The following KLHDC1 variants were observed in gnomAD, a reference collection of about 807,000 sequenced individuals.
KLHDC1 encodes kelch domain containing 1, also known as kelch domain-containing protein 1.
In KLHDC1, 53 loss-of-function variants were observed where a neutral mutation model predicts 68.3. The observed-to-expected ratio is 0.78, with a 90% CI of 0.62 to 0.98. The LOEUF is 0.98. Ranked by LOEUF, KLHDC1 falls within the 50% of genes least tolerant of loss-of-function variation. The probability of loss-of-function intolerance (pLI) is 0.00; values close to 1 mark genes in which losing one functional copy is unlikely to be tolerated. For synonymous variants in KLHDC1, 148 were observed against 159.0 expected, an observed-to-expected ratio of 0.93 and a Z score of 0.52; for missense variants, 470 against 492.3, an observed-to-expected ratio of 0.95 and a Z score of 0.43.
At chr14:49,702,925 A>G (rs1887948564) in intron 1 of KLHDC1, among the ~76,000 whole-genome samples, 1 of 152,220 alleles carries the variant, frequency 6.6e-6, no homozygotes, top group Non-Finnish European at 1.5e-5. Context: ...GGTGTGCACC[A>G]GTGACCACAG....
chr14:49,724,492 T>C (rs374309844), intron 5 of KLHDC1, among the ~76,000 whole-genome samples: 2 of 152,072 alleles, frequency 1.3e-5, no homozygotes, highest in Non-Finnish European at 1.5e-5. Context: ...TGCAGTCTTA[T>C]TAGTTTTACC....
At chr14:49,707,487 A>G (rs780312021) in intron 1 of KLHDC1, among the ~76,000 whole-genome samples, 7 of 150,604 alleles carry the variant, frequency 4.6e-5, no homozygotes, top group Non-Finnish European at 7.4e-5. Context: ...TGCTGGGATT[A>G]CAGTCATGCA....
chr14:49,740,428 C>T (rs1889034283), intron 11 of KLHDC1, among the ~76,000 whole-genome samples: 2 of 152,222 alleles, frequency 1.3e-5, no homozygotes, highest in Non-Finnish European at 2.9e-5. Flanking sequence ...AGCTCTGCCT[C>T]CCAGGTTCAC....
chr14:49,693,323 C>G, intron 1 of KLHDC1, 33 bp downstream of exon 1: 1 of 1,387,512 alleles, frequency 7.2e-7, no homozygotes, highest in Non-Finnish European at 9.5e-7. Context: ...GGTAGACTCG[C>G]GCCGGGAGAC....
chr14:49,743,717 T>C (rs1013554674), intron 11 of KLHDC1, 36 bp from the exon 12 acceptor site: 2 of 1,285,200 alleles, frequency 1.6e-6, no homozygotes, highest in Admixed American at 4.0e-5. Context: ...GTTATTTTTA[T>C]CAAAAACTTA....
chr14:49,705,365 C>CTTTCTTT (rs1888020924), intron 1 of KLHDC1, among the ~76,000 whole-genome samples: 1 of 71,666 alleles, frequency 1.4e-5, no homozygotes, highest in Non-Finnish European at 2.4e-5. Flanking sequence ...TTCTTTCTTT[C>CTTTCTTT]TTTTTTTTTT....
intron 12 of KLHDC1, among the ~76,000 whole-genome samples, chr14:49,746,730 A>G (rs1889207220): frequency 6.6e-6 from 1 of 152,136 alleles, no homozygotes; most frequent in Non-Finnish European, 1.5e-5. Context: ...GGCTCACCAC[A>G]GTCCCTTTTC....
chr14:49,731,935 C>G (rs1010241310), intron 8 of KLHDC1, among the ~76,000 whole-genome samples: 1 of 151,984 alleles, frequency 6.6e-6, no homozygotes, highest in Non-Finnish European at 1.5e-5. Context: ...GTTAGAATAG[C>G]TAGCATTTTC....
intron 9 of KLHDC1, among the ~76,000 whole-genome samples, chr14:49,733,359 T>C (rs142277218): frequency 2.1e-3 from 327 of 152,320 alleles, no homozygotes; most frequent in African/African-American, 7.4e-3. Context: ...GGCATCAAGA[T>C]AGACAGATGA....
chr14:49,742,408 G>A (rs1437718400), intron 11 of KLHDC1, among the ~76,000 whole-genome samples: 12 of 151,774 alleles, frequency 7.9e-5, no homozygotes, highest in African/African-American at 1.9e-4. Flanking sequence ...GGTGGCTCAC[G>A]CCTGTAATCC....
intron 1 of KLHDC1, 89 bp downstream of exon 1, chr14:49,693,379 C>CGCA: frequency 3.0e-6 from 3 of 1,014,846 alleles, no homozygotes; most frequent in Non-Finnish European, 4.0e-6. Flanking sequence ...GCTCCCGAGG[C>CGCA]TGCGGCCCAG....
chr14:49,728,180 G>A (rs556074824), intron 6 of KLHDC1, among the ~76,000 whole-genome samples: 5 of 152,162 alleles, frequency 3.3e-5, no homozygotes, highest in South Asian at 2.1e-4. Context: ...AAAATTAGCC[G>A]GGCCTGGTGT....
intron 1 of KLHDC1, among the ~76,000 whole-genome samples, chr14:49,703,359 TG>T (rs765651214): frequency 6.6e-6 from 1 of 151,612 alleles, no homozygotes; most frequent in African/African-American, 2.4e-5. Context: ...TTTTTTTTTT[TG>T]AGACAGAGTT....
At position 49,693,327 on chromosome 14, in the gene KLHDC1, G is replaced by C. The variant is rs1269594385; in HGVS notation, c.96+37G>C. ...AGGCGGGACGGGGTAGACTCGCGCC[G>C]GGAGACCCTCGGCCTGAGCGGACGC... On this transcript the variant is annotated intron_variant, in intron 1 of 12. Coordinates refer to ENST00000359332, the MANE Select transcript of KLHDC1 (RefSeq NM_172193.3). 3.6e-6 allele frequency: 5 copies of C among 1,379,076 alleles called. No individual in the cohort carries two copies. The African/African-American group carries it at 7.5e-5, about 21-fold the overall frequency. 85.4% of individuals were successfully genotyped at this position (1,379,076 alleles called of 1,614,324 possible). A position where few individuals can be genotyped will look rare whatever the true frequency, so the allele number is the denominator to read the frequency against.
intron 5 of KLHDC1, 38 bp downstream of exon 5, chr14:49,723,990 C>T: frequency 8.5e-7 from 1 of 1,174,170 alleles, no homozygotes; most frequent in African/African-American, 1.5e-5. Context: ...TCCTCCAAGT[C>T]AGTATAGCCT....
intron 12 of KLHDC1, among the ~76,000 whole-genome samples, chr14:49,744,299 T>C (rs1889139746): frequency 5.4e-4 from 1 of 1,852 alleles, no homozygotes; most frequent in African/African-American, 6.0e-4. Context: ...TATATGTGTG[T>C]GTGTGTGTGT....
At chr14:49,734,377 T>C (rs540567282) in intron 9 of KLHDC1, among the ~76,000 whole-genome samples, 1 of 152,314 alleles carries the variant, frequency 6.6e-6, no homozygotes, top group African/African-American at 2.4e-5. Context: ...GTGGAGCACA[T>C]GTAGCAAAGT....
intron 11 of KLHDC1, among the ~76,000 whole-genome samples, chr14:49,740,788 A>G (rs938870779): frequency 1.3e-5 from 2 of 152,142 alleles, no homozygotes; most frequent in African/African-American, 4.8e-5. Context: ...CTCTAATATT[A>G]TTGAATTAAA....
At chr14:49,707,809 CCTAA>C (rs1888097428) in intron 1 of KLHDC1, 1 of 108,546 alleles carries the variant, frequency 9.2e-6, no homozygotes, top group Non-Finnish European at 2.0e-5. Context: ...TGCCACCAGG[CCTAA>C]CTAATTTTTT....
Sources: gnomAD v4.1 joint callset for allele counts (sites outside exome capture counted in the v4.1 genomes callset) on GRCh38, gnomAD v4.1.1 for gene constraint, MANE v1.5 for transcripts, NCBI Gene and HGNC (gene_info 2026-07-23, HGNC 2026-07-21) for gene names.